AUTS2: variants seen among roughly 807,000 people sequenced by gnomAD.
The protein encoded by AUTS2 is autism susceptibility gene 2 protein.
AUTS2 carries 17 observed loss-of-function variants against 112.4 expected under a neutral mutation model. That is an observed-to-expected ratio of 0.15 (90% CI 0.10 to 0.23). The LOEUF (loss-of-function observed/expected upper bound fraction) is 0.23, where lower values mean the gene tolerates loss of function less well. AUTS2 is among the 10% of genes least tolerant of loss of function. AUTS2 has a pLI of 1.00. For missense variants in AUTS2, 1,510 were observed against 1,701.6 expected, an observed-to-expected ratio of 0.89 and a Z score of 1.98; for synonymous variants, 751 against 702.7, an observed-to-expected ratio of 1.07 and a Z score of -1.09.
At chr7:70,047,395 T>C (rs902536325) in intron 2 of AUTS2, among the ~76,000 whole-genome samples, 1 of 152,202 alleles carries the variant, frequency 6.6e-6, no homozygotes, top group Admixed American at 6.5e-5. Context: ...AGCACAGTGC[T>C]GTATTAAATA....
chr7:69,687,144 A>G (rs1379874783), intron 1 of AUTS2, among the ~76,000 whole-genome samples: 1 of 152,200 alleles, frequency 6.6e-6, no homozygotes, highest in African/African-American at 2.4e-5. Context: ...ACAGGACAGA[A>G]ACAAATGCTG....
intron 5 of AUTS2, among the ~76,000 whole-genome samples, chr7:70,617,016 A>G: frequency 6.6e-6 from 1 of 152,184 alleles, no homozygotes; most frequent in East Asian, 1.9e-4. Context: ...TGCAAGTAAT[A>G]GCTTGACTAG....
At chr7:69,890,681 G>A (rs943697933) in intron 1 of AUTS2, among the ~76,000 whole-genome samples, 2 of 147,736 alleles carry the variant, frequency 1.4e-5, no homozygotes, top group African/African-American at 2.5e-5. Context: ...TTGAGAACTG[G>A]CTGTTAAAAA....
At chr7:70,037,426 C>G (rs1403254611) in intron 2 of AUTS2, among the ~76,000 whole-genome samples, 1 of 152,136 alleles carries the variant, frequency 6.6e-6, no homozygotes, top group East Asian at 1.9e-4. Context: ...ACTGTGAGAT[C>G]ATGGATATGT....
chr7:70,706,815 C>T (rs1031720143), intron 6 of AUTS2, among the ~76,000 whole-genome samples: 1 of 152,142 alleles, frequency 6.6e-6, no homozygotes, highest in African/African-American at 2.4e-5. Context: ...TTGGACTGGC[C>T]AGATGTTTAG....
intron 5 of AUTS2, among the ~76,000 whole-genome samples, chr7:70,593,362 C>T (rs1803040889): frequency 6.6e-6 from 1 of 152,100 alleles, no homozygotes; most frequent in Non-Finnish European, 1.5e-5. Flanking sequence ...GAGAACATAA[C>T]ATTTTAAAAT....
chr7:69,611,314 G>A (rs1264818656), intron 1 of AUTS2, among the ~76,000 whole-genome samples: 1 of 152,072 alleles, frequency 6.6e-6, no homozygotes, highest in African/African-American at 2.4e-5. Flanking sequence ...ACCTGGGGAG[G>A]GAGCAAATGA....
chr7:69,809,533 A>C (rs1398432600), intron 1 of AUTS2, among the ~76,000 whole-genome samples: 1 of 152,152 alleles, frequency 6.6e-6, no homozygotes, highest in Non-Finnish European at 1.5e-5. Flanking sequence ...TCACCTACCC[A>C]ATTCCCTTCC....
chr7:70,046,192 G>A (rs1379458991), intron 2 of AUTS2, among the ~76,000 whole-genome samples: 1 of 152,062 alleles, frequency 6.6e-6, no homozygotes, highest in African/African-American at 2.4e-5. Flanking sequence ...GTATCTTAAA[G>A]GAAAGTTCTC....
intron 1 of AUTS2, among the ~76,000 whole-genome samples, chr7:69,770,306 A>G (rs1176643133): frequency 2.0e-5 from 3 of 152,248 alleles, no homozygotes; most frequent in Non-Finnish European, 4.4e-5. Flanking sequence ...TGGACATTGC[A>G]GTCATTCAGC....
chr7:69,924,717 A>G (rs1301008506), intron 2 of AUTS2, among the ~76,000 whole-genome samples: 2 of 151,998 alleles, frequency 1.3e-5, no homozygotes, highest in Non-Finnish European at 2.9e-5. Flanking sequence ...ACGCCCAGCT[A>G]ATTTTGTATT....
At chr7:69,722,676 C>A (rs1799024949) in intron 1 of AUTS2, among the ~76,000 whole-genome samples, 1 of 152,102 alleles carries the variant, frequency 6.6e-6, no homozygotes, top group South Asian at 2.1e-4. Flanking sequence ...TTGTGCATTT[C>A]ATTTAACTGT....
chr7:70,269,488 A>G (rs1787585422), intron 4 of AUTS2, among the ~76,000 whole-genome samples: 1 of 152,168 alleles, frequency 6.6e-6, no homozygotes, highest in Non-Finnish European at 1.5e-5. Flanking sequence ...AGAGAGTCTG[A>G]CGCTCACTTG....
At chr7:70,412,709 T>G (rs1327261784) in intron 4 of AUTS2, among the ~76,000 whole-genome samples, 1 of 152,206 alleles carries the variant, frequency 6.6e-6, no homozygotes, top group Non-Finnish European at 1.5e-5. Flanking sequence ...ATAATATAAT[T>G]TGGCTGGGCG....
Position 70,789,984 on chromosome 7 carries a change from G to T in AUTS2, c.2768G>T (p.Gly923Val). The T allele has an allele frequency of 6.2e-7, 1 of 1,609,484 alleles. No homozygotes were observed. Among genetic ancestry groups the T allele is most frequent in the Non-Finnish European group, 8.5e-7 (1 of 1,178,038 alleles). ...CACCTGCCCGAGAAGGACGGGCACGGCCACGAGGGGCGCGCCGCGGGCGAA... is the reference window on the plus strand; with the variant it reads ...CACCTGCCCGAGAAGGACGGGCACGTCCACGAGGGGCGCGCCGCGGGCGAA... ...EGHLPEKDGH[G>V]HEGRAAGEEA... is the part of the protein sequence containing the mutation. The change falls in exon 19 of 19, where the codon GGC (glycine) becomes GTC (valine). Residue 923 changes from glycine to valine, a missense_variant. This residue lies in a region of AUTS2 where 788 missense variants were observed against 797.6 expected (regional missense o/e 0.99). Transcript: ENST00000342771.
chr7:70,780,487 T>A (rs952887031), intron 14 of AUTS2, among the ~76,000 whole-genome samples: 8 of 152,024 alleles, frequency 5.3e-5, no homozygotes, highest in Non-Finnish European at 2.9e-5. Context: ...GCAATTCTCG[T>A]GCCTCAGCCT....
chr7:70,258,831 T>C (rs1787017315), intron 4 of AUTS2, among the ~76,000 whole-genome samples: 1 of 152,154 alleles, frequency 6.6e-6, no homozygotes, highest in Non-Finnish European at 1.5e-5. Context: ...CTTGATGACA[T>C]TTTGAATACG....
At chr7:70,782,266 T>C (rs996625394) in intron 15 of AUTS2, 1 of 152,678 alleles carries the variant, frequency 6.5e-6, no homozygotes. Context: ...GTTGGGCCAC[T>C]CGGTTGCTGG....
chr7:70,394,365 G>A (rs187604577), intron 4 of AUTS2, among the ~76,000 whole-genome samples: 100 of 152,300 alleles, frequency 6.6e-4, no homozygotes, highest in Non-Finnish European at 1.3e-3. Flanking sequence ...CACCATAGTG[G>A]AGCTAAGACT....
Sources: allele counts gnomAD v4.1 joint callset (sites outside exome capture counted in the v4.1 genomes callset), GRCh38; gene constraint gnomAD v4.1.1; regional missense constraint gnomAD v4.1.1; transcripts MANE v1.5; gene names NCBI Gene and HGNC (gene_info 2026-07-23, HGNC 2026-07-21).